Variants in SLC14A2 observed in about 807,000 individuals in gnomAD.
SLC14A2 encodes the protein urea transporter 2.
A neutral mutation model predicts 104.6 loss-of-function variants in SLC14A2; 91 were observed. The ratio of observed to expected loss-of-function variants is 0.87; its 90% CI spans 0.73 to 1.04. The LOEUF is 1.04. SLC14A2 is among the 50% of genes least tolerant of loss of function. The probability of loss-of-function intolerance (pLI) is 0.00; values close to 1 mark genes in which losing one functional copy is unlikely to be tolerated. For synonymous variants in SLC14A2, 476 were observed against 466.4 expected, an observed-to-expected ratio of 1.02 and a Z score of -0.27; for missense variants, 1,189 against 1,156.0, an observed-to-expected ratio of 1.03 and a Z score of -0.41.
In SLC14A2 at chr18:45,410,321, G is replaced by A. The variant is rs983739965; in HGVS notation, c.-124-72912G>A. On this transcript the variant is annotated intron_variant, in intron 1 of 20. Transcript: ENST00000586448. ...CAGGGACTCTTGTTCTAGATAACTT[G>A]TTTTACTTTAAGCAAACTTCATAAA... Among the ~76,000 whole-genome samples, 7 of 152,108 alleles carry A rather than the reference G, an allele frequency of 4.6e-5. No individual in the cohort carries two copies. The East Asian group carries it at 1.3e-3, about 29-fold the overall frequency.
intron 2 of SLC14A2, among the ~76,000 whole-genome samples, chr18:45,544,217 A>G (rs59082219): frequency 0.028 from 4,206 of 152,270 alleles, 192 homozygotes; most frequent in African/African-American, 0.094. Context: ...TGAACTTCAG[A>G]TGGTCTTGGG....
chr18:45,309,648 A>G (rs2144211495), intron 1 of SLC14A2, among the ~76,000 whole-genome samples: 1 of 152,298 alleles, frequency 6.6e-6, no homozygotes, highest in East Asian at 1.9e-4. Flanking sequence ...TTTGTGATAA[A>G]AAGTGCTCAG....
the SLC14A2 span, among the ~76,000 whole-genome samples, chr18:45,177,977 A>G: frequency 1.3e-5 from 2 of 152,182 alleles, no homozygotes; most frequent in African/African-American, 2.4e-5. Context: ...GTTCCATATC[A>G]GAAAAATGTC....
chr18:45,186,001 G>A, the SLC14A2 span, among the ~76,000 whole-genome samples: 2 of 152,242 alleles, frequency 1.3e-5, no homozygotes, highest in Middle Eastern at 6.8e-3. Context: ...AGTATGCATT[G>A]TTTATATATG....
rs2045578688 is a variant in SLC14A2, at chr18:45,644,075, C to G, written c.1266C>G (p.Leu422=). 2 of 1,614,124 alleles carry G rather than the reference C, an allele frequency of 1.2e-6. No individual in the cohort carries two copies. The highest frequency in any genetic ancestry group is 1.7e-6 in the Non-Finnish European group (2 of 1,180,040). The change falls in exon 10 of 20, where the codon CTC becomes CTG. Residue 422 remains leucine (L), a synonymous_variant. Transcript: ENST00000255226. ...LTTNNPAIFR[L]PLSKVTYPEA... ...CAAACAACCCAGCCATCTTCAGACT[C>G]CCACTCAGCAAAGTCACCTACCCCG...
At position 45,373,900 on chromosome 18, in the gene SLC14A2, T is replaced by A. The variant is rs187990826; in HGVS notation, c.-124-109333T>A. Among the ~76,000 whole-genome samples the A allele has an allele frequency of 3.2e-4, 48 of 152,316 alleles. 1 individual carries two copies. Among genetic ancestry groups the A allele is most frequent in the Non-Finnish European group, 5.1e-4 (35 of 68,032 alleles). On this transcript the variant is annotated intron_variant, in intron 1 of 20. Coordinates refer to the SLC14A2 transcript ENST00000586448. ...GTCAGTGCTCAACTATTAAAGTTGG[T>A]TGTTTTTGAATTGTGAAGACAGGAT...
At chr18:45,647,382 C>G (rs2045642794) in intron 10 of SLC14A2, 1 of 152,202 alleles carries the variant, frequency 6.6e-6, no homozygotes, top group South Asian at 2.1e-4. Context: ...TCTACTCTTA[C>G]ATAATTTTGT....
chr18:45,250,148 A>G (rs1482391633), intron 1 of SLC14A2, among the ~76,000 whole-genome samples: 4 of 152,188 alleles, frequency 2.6e-5, no homozygotes, highest in Non-Finnish European at 5.9e-5. Context: ...AACACTACTG[A>G]AAATATGGTC....
At chr18:45,184,544 T>C in the SLC14A2 span, among the ~76,000 whole-genome samples, 4 of 152,238 alleles carry the variant, frequency 2.6e-5, no homozygotes, top group African/African-American at 9.6e-5. Context: ...CACAAAATAA[T>C]TCCACATGGA....
chr18:45,355,160 C>T (rs2085539992), intron 1 of SLC14A2, among the ~76,000 whole-genome samples: 1 of 152,134 alleles, frequency 6.6e-6, no homozygotes, highest in East Asian at 1.9e-4. Flanking sequence ...TGGGGACAAT[C>T]ATAATTGACC....
chr18:45,429,780 C>T (rs1856077996), intron 1 of SLC14A2, among the ~76,000 whole-genome samples: 1 of 152,096 alleles, frequency 6.6e-6, no homozygotes, highest in African/African-American at 2.4e-5. Context: ...TCTGTGACTC[C>T]CCTGGGGTGG....
chr18:45,245,064 T>G (rs1057489513), intron 1 of SLC14A2, among the ~76,000 whole-genome samples: 10 of 152,188 alleles, frequency 6.6e-5, no homozygotes, highest in African/African-American at 2.4e-4. Flanking sequence ...CATCACACAA[T>G]GAAATGAAGG....
chr18:45,469,268 C>T (rs144684301), intron 1 of SLC14A2, among the ~76,000 whole-genome samples: 20 of 152,220 alleles, frequency 1.3e-4, no homozygotes, highest in African/African-American at 4.3e-4. Context: ...GTCCAGGCTC[C>T]GAAAGCCTTG....
At chr18:45,542,675 C>T (rs1256458930) in intron 2 of SLC14A2, among the ~76,000 whole-genome samples, 2 of 152,092 alleles carry the variant, frequency 1.3e-5, no homozygotes, top group East Asian at 1.9e-4. Context: ...CTGGAAGGTA[C>T]CCTAGAGGCT....
intron 1 of SLC14A2, among the ~76,000 whole-genome samples, chr18:45,624,170 G>T (rs1403582069): frequency 6.6e-6 from 1 of 152,054 alleles, no homozygotes; most frequent in Non-Finnish European, 1.5e-5. Flanking sequence ...GGAAGAGAAG[G>T]AAGACTGGAG....
chr18:45,429,314 T>A (rs1871955639), intron 1 of SLC14A2, among the ~76,000 whole-genome samples: 2 of 152,198 alleles, frequency 1.3e-5, no homozygotes, highest in Admixed American at 1.3e-4. Flanking sequence ...GCCAGGAAAC[T>A]GTGGAGAGTC....
At chr18:45,641,418 G>A in intron 8 of SLC14A2, 75 bp downstream of exon 8, 1 of 1,538,772 alleles carries the variant, frequency 6.5e-7, no homozygotes, top group East Asian at 2.2e-5. Flanking sequence ...AAACCCATGG[G>A]GACCACTAAT....
At chr18:45,203,007 G>A in the SLC14A2 span, among the ~76,000 whole-genome samples, 2 of 152,174 alleles carry the variant, frequency 1.3e-5, no homozygotes, top group African/African-American at 4.8e-5. Flanking sequence ...TTCTGGCTGG[G>A]GCCGCTGAGT....
chr18:45,362,690 C>T lies in SLC14A2; in HGVS notation c.-124-120543C>T, dbSNP rs556137148. On this transcript the variant is annotated intron_variant, in intron 1 of 20. Coordinates refer to the SLC14A2 transcript ENST00000586448. Reference sequence around the variant, plus strand: ...AGCTGCTACCAGGTAGGGCCACCCACGTTCTGTCCAAAGCAGGAAGCATAG... The same window carrying T: ...AGCTGCTACCAGGTAGGGCCACCCATGTTCTGTCCAAAGCAGGAAGCATAG... Among the ~76,000 whole-genome samples, 61 of 152,284 alleles carry T rather than the reference C, an allele frequency of 4.0e-4. 1 individual carries two copies. In the South Asian group the frequency reaches 0.012, roughly 29 times the overall value.
Sources: allele counts gnomAD v4.1 joint callset (sites outside exome capture counted in the v4.1 genomes callset), GRCh38; gene constraint gnomAD v4.1.1; transcripts MANE v1.5; gene names NCBI Gene and HGNC (gene_info 2026-07-23, HGNC 2026-07-21).